BTBD2: variants seen among roughly 807,000 people sequenced by gnomAD.
The protein encoded by BTBD2 is BTB domain containing 2.
BTBD2 carries 15 observed loss-of-function variants against 44.0 expected under a neutral mutation model. The observed-to-expected ratio is 0.34, with a 90% confidence interval of 0.23 to 0.53. The LOEUF (loss-of-function observed/expected upper bound fraction) is 0.53. BTBD2 is among the 20% of genes least tolerant of loss of function. The pLI, the probability that BTBD2 is intolerant of heterozygous loss-of-function variation, is 0.95. For synonymous variants in BTBD2, 443 were observed against 335.9 expected (o/e 1.32, Z -3.49); for missense variants, 657 against 746.4 (o/e 0.88, Z 1.39).
chr19:2,013,363 G>A (rs560831572), intron 1 of BTBD2, among the ~76,000 whole-genome samples: 14 of 152,100 alleles, frequency 9.2e-5, no homozygotes, highest in Admixed American at 8.5e-4. Flanking sequence ...CAGATACTGG[G>A]CCAAACCCAC....
chr19:1,997,226 C>T (rs900432931), intron 2 of BTBD2, 118 bp downstream of exon 2: 6 of 1,456,168 alleles, frequency 4.1e-6, no homozygotes, highest in East Asian at 4.6e-5. Flanking sequence ...TGCACAGGAA[C>T]GTTCTAGAAA....
In BTBD2 at chr19:1,986,641, G is replaced by A. The variant is rs763177234; in HGVS notation, c.1425C>T (p.Asp475=). Reference sequence around the variant, plus strand: ...GCAGGCCTTTGGTGCCGTAGTGGGAGTCTGGGCCCTGTAGGGAATAGGGGT... The same window carrying A: ...GCAGGCCTTTGGTGCCGTAGTGGGAATCTGGGCCCTGTAGGGAATAGGGGT... ...YTACATLKGP[D]SHYGTKGLRK... The change falls in exon 9 of 9, where the codon GAC becomes GAT. Residue 475 remains aspartate (D), a synonymous_variant. Coordinates refer to ENST00000255608, the MANE Select transcript of BTBD2 (RefSeq NM_017797.4). 5 of 1,613,794 alleles carry A rather than the reference G, an allele frequency of 3.1e-6. No individual in the cohort carries two copies. In the Admixed American group the frequency reaches 6.7e-5, roughly 22 times the overall value.
chr19:1,996,470 G>T (rs2016251610), intron 2 of BTBD2, among the ~76,000 whole-genome samples: 1 of 121,818 alleles, frequency 8.2e-6, no homozygotes, highest in Admixed American at 9.0e-5. Flanking sequence ...TTCTTTCACT[G>T]ATGTTTCCTT....
chr19:2,005,553 G>A (rs1166636232), intron 1 of BTBD2, among the ~76,000 whole-genome samples: 6 of 151,958 alleles, frequency 3.9e-5, no homozygotes, highest in Admixed American at 3.3e-4. Flanking sequence ...AGGCCGAGGC[G>A]GGTGGATCAC....
In BTBD2 at chr19:2,006,469, T is replaced by C. The variant is rs1421682016; in HGVS notation, c.407+8828A>G. Reference sequence around the variant, plus strand: ...TTGCAGTGAGCTGACACTGTGCCACTGCACTCCAGCCTGGGCGACAGAGCG... The same window carrying C: ...TTGCAGTGAGCTGACACTGTGCCACCGCACTCCAGCCTGGGCGACAGAGCG... On this transcript the variant is annotated intron_variant, in intron 1 of 8. Coordinates refer to ENST00000255608, the MANE Select transcript of BTBD2 (RefSeq NM_017797.4). 8.2e-5 allele frequency among the ~76,000 whole-genome samples: 12 copies of C among 146,698 alleles called. No homozygotes were observed. In the Admixed American group the frequency reaches 8.3e-4, roughly 10 times the overall value.
chr19:2,002,426 G>A (rs929742877), intron 1 of BTBD2, among the ~76,000 whole-genome samples: 1 of 152,196 alleles, frequency 6.6e-6, no homozygotes, highest in Non-Finnish European at 1.5e-5. Flanking sequence ...CTCAAGGACG[G>A]AGATGTGGGA....
intron 1 of BTBD2, among the ~76,000 whole-genome samples, 195 bp from the exon 2 acceptor site, chr19:1,997,658 C>T (rs146251082): frequency 1.3e-5 from 2 of 152,350 alleles, no homozygotes; most frequent in Admixed American, 6.5e-5. Context: ...GACGGACCCA[C>T]GGCAAGGACA....
chr19:2,005,607 C>T (rs1295924290), intron 1 of BTBD2, among the ~76,000 whole-genome samples: 3 of 151,702 alleles, frequency 2.0e-5, no homozygotes, highest in African/African-American at 7.3e-5. Context: ...TAGGATGAAA[C>T]GCCATCTCTC....
intron 4 of BTBD2, 142 bp from the exon 5 acceptor site, chr19:1,990,343 G>C (rs1327652763): frequency 2.3e-6 from 2 of 854,202 alleles, no homozygotes; most frequent in Non-Finnish European, 3.6e-6. Flanking sequence ...CTGTGAGTGT[G>C]TTTATAAATA....
At chr19:2,000,670 C>G (rs1260918580) in intron 1 of BTBD2, among the ~76,000 whole-genome samples, 1 of 152,198 alleles carries the variant, frequency 6.6e-6, no homozygotes, top group South Asian at 2.1e-4. Flanking sequence ...GGCTGTTCCC[C>G]CCTTCATGTA....
chr19:2,006,621 C>T (rs966740385), intron 1 of BTBD2, among the ~76,000 whole-genome samples: 2 of 152,136 alleles, frequency 1.3e-5, no homozygotes, highest in South Asian at 2.1e-4. Flanking sequence ...CATCAGGCAC[C>T]GTTAGCCCAG....
At chr19:1,986,693 G>A (rs1568213225) in intron 8 of BTBD2, 44 bp from the exon 9 acceptor site, 1 of 1,604,140 alleles carries the variant, frequency 6.2e-7, no homozygotes. Flanking sequence ...CCACCAGGCT[G>A]GGATGCCCCA....
At chr19:2,001,046 G>A (rs1045607895) in intron 1 of BTBD2, among the ~76,000 whole-genome samples, 1 of 152,224 alleles carries the variant, frequency 6.6e-6, no homozygotes, top group African/African-American at 2.4e-5. Context: ...CACTTTGGGA[G>A]GCTGAGGCGG....
intron 8 of BTBD2, 75 bp from the exon 9 acceptor site, chr19:1,986,724 C>T: frequency 6.3e-7 from 1 of 1,585,724 alleles, no homozygotes; most frequent in Non-Finnish European, 8.6e-7. Context: ...GGGCAAGGCC[C>T]CGACTGGGCC....
At chr19:2,008,602 T>TA (rs1235946214) in intron 1 of BTBD2, among the ~76,000 whole-genome samples, 1 of 150,042 alleles carries the variant, frequency 6.7e-6, no homozygotes, top group Non-Finnish European at 1.5e-5. Context: ...TTTTTTTTTT[T>TA]TTTTTTAGGG....
chr19:2,005,361 GCTGGAGTGCAGTGCTATGATCACAGCTCA>G (rs1165595877), intron 1 of BTBD2, among the ~76,000 whole-genome samples: 1 of 152,112 alleles, frequency 6.6e-6, no homozygotes, highest in African/African-American at 2.4e-5. Flanking sequence ...TGTCACCCAG[GCTGGAGTGCAGTGCTATGATCACAGCTCA>G]CTGCAGCCTT....
At chr19:1,999,373 G>A (rs1287709522) in intron 1 of BTBD2, among the ~76,000 whole-genome samples, 1 of 152,210 alleles carries the variant, frequency 6.6e-6, no homozygotes, top group Non-Finnish European at 1.5e-5. Context: ...GTTTTTGGAA[G>A]GAGGAGAAAC....
At chr19:2,015,032 G>T (rs989112635) in intron 1 of BTBD2, among the ~76,000 whole-genome samples, 2 of 150,078 alleles carry the variant, frequency 1.3e-5, no homozygotes, top group Admixed American at 6.6e-5. Context: ...GTGCAGGCCG[G>T]GTCGGTTTCA....
In BTBD2 at chr19:2,015,543, G is replaced by GCGGCGT; in HGVS notation, c.160_161insACGCCG (p.Ala53_Ala54insAspAla). On this transcript the variant is annotated inframe_insertion, in exon 1 of 9. Coordinates refer to ENST00000255608, the MANE Select transcript of BTBD2 (RefSeq NM_017797.4). ...CGGGGCGGGCGGCGTCGGCCCAGGG[G>GCGGCGT]CGGCGGCGGCGGCGGCGGCGGCGGC... is the stretch of plus-strand genomic sequence containing the variant. 2.4e-4 allele frequency: 3 copies of GCGGCGT among 12,422 alleles called. No individual in the cohort carries two copies. The highest frequency in any genetic ancestry group is 2.6e-4 in the Non-Finnish European group (3 of 11,424). The allele number at this position is 12,422 out of a possible 1,614,324, so 0.8% of individuals were successfully genotyped here. A position where few individuals can be genotyped will look rare whatever the true frequency, so the allele number is the denominator to read the frequency against.
Sources: allele counts gnomAD v4.1 joint callset (sites outside exome capture counted in the v4.1 genomes callset), GRCh38; gene constraint gnomAD v4.1.1; transcripts MANE v1.5; gene names NCBI Gene and HGNC (gene_info 2026-07-23, HGNC 2026-07-21).